ATG10: variants seen among roughly 807,000 people sequenced by gnomAD.
ATG10 encodes the protein autophagy related 10, also known as ubiquitin-like-conjugating enzyme ATG10.
A neutral mutation model predicts 32.1 loss-of-function variants in ATG10; 30 were observed. That is an observed-to-expected ratio of 0.94 (90% CI 0.70 to 1.27). The LOEUF is 1.27. Ranked by LOEUF, ATG10 falls within the 50% of genes most tolerant of loss-of-function variation. The probability of loss-of-function intolerance (pLI) is 0.00; values close to 1 mark genes in which losing one functional copy is unlikely to be tolerated. For synonymous variants in ATG10, 87 were observed against 91.5 expected, an observed-to-expected ratio of 0.95 and a Z score of 0.28; for missense variants, 233 against 262.3, an observed-to-expected ratio of 0.89 and a Z score of 0.77.
intron 5 of ATG10, among the ~76,000 whole-genome samples, chr5:82,205,632 T>C (rs1450429783): frequency 2.6e-5 from 4 of 152,228 alleles, no homozygotes; most frequent in Admixed American, 2.6e-4. Flanking sequence ...TCTGTGAAAT[T>C]GGACATGTGA....
At chr5:82,141,072 G>T in intron 3 of ATG10, among the ~76,000 whole-genome samples, 1 of 121,284 alleles carries the variant, frequency 8.2e-6, no homozygotes, top group Non-Finnish European at 1.7e-5. Flanking sequence ...AAGTAATCAG[G>T]GACACAAACA....
At chr5:82,007,200 A>G (rs1053332035) in intron 2 of ATG10, among the ~76,000 whole-genome samples, 3 of 152,200 alleles carry the variant, frequency 2.0e-5, no homozygotes, top group South Asian at 2.1e-4. Context: ...TTGATTTACA[A>G]TTTTATGAAG....
At chr5:82,160,242 C>A (rs1743259871) in intron 3 of ATG10, among the ~76,000 whole-genome samples, 1 of 152,190 alleles carries the variant, frequency 6.6e-6, no homozygotes, top group African/African-American at 2.4e-5. Context: ...AGTGTTGTCA[C>A]TTCAAAAATG....
At chr5:82,230,281 T>C (rs1561369322) in intron 5 of ATG10, among the ~76,000 whole-genome samples, 1 of 152,172 alleles carries the variant, frequency 6.6e-6, no homozygotes, top group Non-Finnish European at 1.5e-5. Flanking sequence ...TTTGTATTGG[T>C]GGCAATAATG....
chr5:82,025,704 G>C (rs1762574894), intron 2 of ATG10, among the ~76,000 whole-genome samples: 1 of 152,126 alleles, frequency 6.6e-6, no homozygotes, highest in Non-Finnish European at 1.5e-5. Context: ...AGTAGTATTT[G>C]AAGGACTTCC....
intron 3 of ATG10, among the ~76,000 whole-genome samples, chr5:82,069,674 A>G (rs564165666): frequency 2.0e-5 from 3 of 152,160 alleles, no homozygotes; most frequent in Admixed American, 6.6e-5. Context: ...TTCTCTCCTC[A>G]ATATACTGCG....
At chr5:81,982,097 C>CAAAACA (rs930979019) in intron 1 of ATG10, among the ~76,000 whole-genome samples, 2 of 152,216 alleles carry the variant, frequency 1.3e-5, no homozygotes, top group East Asian at 1.9e-4. Context: ...TTGAATGTCA[C>CAAAACA]AAAACAAAAA....
chr5:82,002,924 C>T (rs575523097), intron 2 of ATG10, among the ~76,000 whole-genome samples: 59 of 152,210 alleles, frequency 3.9e-4, no homozygotes, highest in African/African-American at 1.4e-3. Context: ...CTCTTGTACC[C>T]CGAACCTAAA....
At chr5:82,230,460 A>G (rs1328501598) in intron 5 of ATG10, among the ~76,000 whole-genome samples, 1 of 152,150 alleles carries the variant, frequency 6.6e-6, no homozygotes, top group African/African-American at 2.4e-5. Context: ...CTGGCTGGGC[A>G]CGGTGGCTCA....
intron 2 of ATG10, chr5:81,992,197 C>T (rs1370197883): frequency 1.3e-5 from 2 of 151,986 alleles, no homozygotes; most frequent in Admixed American, 1.3e-4. Context: ...ACTATGTTGC[C>T]CAGGCTGGTC....
At chr5:82,038,595 TCA>T (rs1669116978) in intron 2 of ATG10, among the ~76,000 whole-genome samples, 1 of 152,138 alleles carries the variant, frequency 6.6e-6, no homozygotes. Context: ...CTGGGATTCT[TCA>T]CACTCTTGAT....
chr5:82,242,227 T>A (rs7707921), intron 5 of ATG10, among the ~76,000 whole-genome samples: 122,897 of 152,150 alleles, frequency 0.81, 49,986 homozygotes, highest in East Asian at 0.99. Flanking sequence ...AATAATCAGA[T>A]CTTTTAGAAA....
At chr5:82,178,930 G>A (rs1003091165) in intron 5 of ATG10, among the ~76,000 whole-genome samples, 4 of 152,068 alleles carry the variant, frequency 2.6e-5, no homozygotes, top group South Asian at 2.1e-4. Context: ...TAAACCCATC[G>A]TAAGTTGAAA....
intron 2 of ATG10, among the ~76,000 whole-genome samples, chr5:82,000,348 C>G (rs1196799555): frequency 6.6e-6 from 1 of 152,088 alleles, no homozygotes; most frequent in Non-Finnish European, 1.5e-5. Flanking sequence ...ACGACAAACC[C>G]ACAGCCAACA....
At chr5:81,980,400 CA>C (rs1761001638) in intron 1 of ATG10, among the ~76,000 whole-genome samples, 1 of 152,114 alleles carries the variant, frequency 6.6e-6, no homozygotes, top group African/African-American at 2.4e-5. Flanking sequence ...CTTACCTTGA[CA>C]AAAGAGGGGC....
intron 2 of ATG10, among the ~76,000 whole-genome samples, chr5:82,048,035 C>T (rs62365382): frequency 2.1e-4 from 30 of 142,888 alleles, no homozygotes; most frequent in African/African-American, 6.8e-4. Flanking sequence ...TGTAGATATG[C>T]GGCATTATTT....
intron 3 of ATG10, among the ~76,000 whole-genome samples, chr5:82,066,007 C>T (rs1207450380): frequency 6.6e-6 from 1 of 151,762 alleles, no homozygotes; most frequent in Non-Finnish European, 1.5e-5. Flanking sequence ...GTCCAGCACT[C>T]ATCCACTCAG....
At chr5:81,979,476 C>T (rs1001952857) in intron 1 of ATG10, among the ~76,000 whole-genome samples, 3 of 151,942 alleles carry the variant, frequency 2.0e-5, no homozygotes, top group Non-Finnish European at 2.9e-5. Flanking sequence ...TGCAGTGAGC[C>T]GAGATAGCAC....
At chr5:81,995,577 A>G (rs1367135042) in intron 2 of ATG10, among the ~76,000 whole-genome samples, 3 of 152,258 alleles carry the variant, frequency 2.0e-5, no homozygotes, top group Admixed American at 2.0e-4. Context: ...TTTGAGCCCT[A>G]TACTTCTTAA....
Sources: gnomAD v4.1 joint callset for allele counts (sites outside exome capture counted in the v4.1 genomes callset) on GRCh38, gnomAD v4.1.1 for gene constraint, MANE v1.5 for transcripts, NCBI Gene and HGNC (gene_info 2026-07-23, HGNC 2026-07-21) for gene names.